AIPL1: variants seen among roughly 807,000 people sequenced by gnomAD.
AIPL1 encodes AIP like 1 HSP90 co-chaperone.
AIPL1 carries 23 observed loss-of-function variants against 32.9 expected under a neutral mutation model. The ratio of observed to expected loss-of-function variants is 0.70; its 90% CI spans 0.50 to 0.99. The LOEUF (loss-of-function observed/expected upper bound fraction) is 0.99, where lower values mean the gene tolerates loss of function less well. Ranked by LOEUF, AIPL1 falls within the 50% of genes least tolerant of loss-of-function variation. AIPL1 has a pLI of 0.00. For missense variants in AIPL1, 485 were observed against 506.0 expected, an observed-to-expected ratio of 0.96 and a Z score of 0.40; for synonymous variants, 210 against 209.4, an observed-to-expected ratio of 1.00 and a Z score of -0.02.
chr17:6,429,414 G>A (rs750723730), intron 2 of AIPL1, among the ~76,000 whole-genome samples: 18 of 152,218 alleles, frequency 1.2e-4, no homozygotes, highest in Admixed American at 4.6e-4. Flanking sequence ...CCGCCCCACC[G>A]GCCGGGATTA....
chr17:6,427,896 A>G (rs1160791952), intron 3 of AIPL1, among the ~76,000 whole-genome samples: 1 of 151,696 alleles, frequency 6.6e-6, no homozygotes, highest in Non-Finnish European at 1.5e-5. Flanking sequence ...GCTCACTGCA[A>G]CCTCCACTTC....
rs1380087715 is a variant in AIPL1 at position 6,428,354 on chromosome 17, C to A, written c.429G>T (p.Glu143Asp). The A allele has an allele frequency of 6.2e-7, 1 of 1,611,468 alleles. No individual in the cohort carries two copies. Among genetic ancestry groups the A allele is most frequent in the Admixed American group, 1.7e-5 (1 of 60,034 alleles). The change falls in exon 3 of 6, where the codon GAG becomes GAT. Residue 143 changes from glutamate (E) to aspartate (D), a missense_variant. Transcript: ENST00000381129. ...GYEDLDELQK[E>D]PQPLVFVIEL... ...CGATCACAAAGACCAGAGGCTGAGGCTCCTTCTGCAGCTCGTCCAGGTCCT... is the reference window on the plus strand; with the variant it reads ...CGATCACAAAGACCAGAGGCTGAGGATCCTTCTGCAGCTCGTCCAGGTCCT...
chr17:6,426,254 C>A (rs1438947539), intron 5 of AIPL1: 1 of 1,300,370 alleles, frequency 7.7e-7, no homozygotes, highest in East Asian at 3.5e-5. Flanking sequence ...TAAGTCAATA[C>A]TAGTACTGAC....
At chr17:6,426,831 G>A (rs1424679795) in intron 4 of AIPL1, 50 bp downstream of exon 4, 4 of 1,612,844 alleles carry the variant, frequency 2.5e-6, no homozygotes, top group African/African-American at 1.3e-5. Flanking sequence ...GCACTGGGCA[G>A]GCCCCCCAGA....
intron 3 of AIPL1, 29 bp downstream of exon 3, chr17:6,428,288 GC>G (rs1165582951): frequency 5.0e-6 from 8 of 1,602,214 alleles, no homozygotes; most frequent in Non-Finnish European, 6.8e-6. Flanking sequence ...TGCTGGCACA[GC>G]CCTCCAGCCC....
At position 6,425,024 on chromosome 17, in the gene AIPL1, G is replaced by A. The variant is rs1325014429; in HGVS notation, c.*436C>T. The stretch of plus-strand genomic sequence containing the variant: ...GATTCTAGAGAGCTCTAAGTGTCCT[G>A]CGTAAAGTTACAAAAATCACCGAGA... On this transcript the variant is annotated 3_prime_UTR_variant, in exon 6 of 6. Coordinates refer to ENST00000381129, the MANE Select transcript of AIPL1 (RefSeq NM_014336.5). The A allele has an allele frequency of 1.2e-5, 2 of 160,156 alleles. No homozygotes were observed. The highest frequency in any genetic ancestry group is 1.8e-4 in the South Asian group (1 of 5,464). 9.9% of individuals were successfully genotyped at this position (160,156 alleles called of 1,614,324 possible).
intron 2 of AIPL1, among the ~76,000 whole-genome samples, chr17:6,433,611 T>TCTCTCTCTCTCTCTCTCA (rs758622569): frequency 2.0e-4 from 21 of 106,300 alleles, no homozygotes; most frequent in African/African-American, 7.1e-4. Context: ...TCTCTCTCTC[T>TCTCTCTCTCTCTCTCTCA]CACACACACA....
chr17:6,429,867 G>GATAGATAT (rs1206981600), intron 2 of AIPL1, among the ~76,000 whole-genome samples: 7 of 147,728 alleles, frequency 4.7e-5, no homozygotes, highest in Admixed American at 6.7e-5. Context: ...TAGATAGATA[G>GATAGATAT]ATAATAGATA....
chr17:6,426,669 CCTT>C lies in AIPL1; in HGVS notation c.727_729del (p.Lys243del), dbSNP rs765411357. 1.1e-5 allele frequency: 18 copies of C among 1,614,218 alleles called. No homozygotes were observed. The highest frequency in any genetic ancestry group is 1.5e-5 in the Non-Finnish European group (18 of 1,180,044). ...TGCTCCAGCACCTCATAGTACTCCTCCTTCTTCAGCAGGCACTGGCAGTAGTTG... is the reference window on the plus strand; with the variant it reads ...TGCTCCAGCACCTCATAGTACTCCTCCTTCAGCAGGCACTGGCAGTAGTTG... On this transcript the variant is annotated inframe_deletion, in exon 5 of 6. Transcript: ENST00000381129.
At chr17:6,425,962 C>A in intron 5 of AIPL1, 132 bp from the exon 6 acceptor site, 1 of 1,262,096 alleles carries the variant, frequency 7.9e-7, no homozygotes, top group Non-Finnish European at 1.1e-6. Flanking sequence ...TATCCCCCAT[C>A]CCTCGGTTTC....
intron 2 of AIPL1, among the ~76,000 whole-genome samples, chr17:6,430,894 C>T (rs969118174): frequency 1.3e-5 from 2 of 152,150 alleles, no homozygotes; most frequent in Non-Finnish European, 2.9e-5. Context: ...AACACAGGGA[C>T]TGCTACAAAG....
chr17:6,434,234 C>T lies in AIPL1; in HGVS notation c.97-136G>A, dbSNP rs796209943. The stretch of plus-strand genomic sequence containing the variant: ...TCACCCCATCAGATGCCTCAGACCC[C>T]TGGAGCACCTCCACCCTGCCTGCAC... On this transcript the variant is annotated intron_variant, in intron 1 of 5. Coordinates refer to ENST00000381129, the MANE Select transcript of AIPL1 (RefSeq NM_014336.5). 97 of 993,422 alleles carry T rather than the reference C, an allele frequency of 9.8e-5. No individual in the cohort carries two copies. The African/African-American group carries it at 1.4e-3, about 14-fold the overall frequency. 61.5% of individuals were successfully genotyped at this position (993,422 alleles called of 1,614,324 possible).
At chr17:6,428,533 T>A (rs759144103) in intron 2 of AIPL1, 27 bp from the exon 3 acceptor site, 1 of 1,609,810 alleles carries the variant, frequency 6.2e-7, no homozygotes, top group South Asian at 1.1e-5. Flanking sequence ...ATGGATGGCA[T>A]CCAGGCTACC....
rs1567645937 is a variant in AIPL1 at position 6,435,063 on chromosome 17, T to C, written c.42A>G (p.Lys14=). 3 of 1,614,162 alleles carry C rather than the reference T, an allele frequency of 1.9e-6. No homozygotes were observed. Among genetic ancestry groups the C allele is most frequent in the Non-Finnish European group, 2.5e-6 (3 of 1,180,020 alleles). ...ALLLNVEGVK[K]TILHGGTGEL... ...CGCCCGTGCCCCCGTGCAGAATGGT[T>C]TTCTTGACCCCTTCCACGTTCAGGA... is the stretch of plus-strand genomic sequence containing the variant. The change falls in exon 1 of 6, where the codon AAA becomes AAG. Residue 14 remains lysine, a synonymous_variant. Transcript: ENST00000381129.
chr17:6,429,932 A>C (rs2150684191), intron 2 of AIPL1, among the ~76,000 whole-genome samples: 1 of 152,254 alleles, frequency 6.6e-6, no homozygotes, highest in African/African-American at 2.4e-5. Context: ...GTGACGGAAG[A>C]CTGGATTATG....
chr17:6,434,773 G>A (rs1179396257), intron 1 of AIPL1, among the ~76,000 whole-genome samples: 1 of 152,120 alleles, frequency 6.6e-6, no homozygotes, highest in Admixed American at 6.5e-5. Context: ...AACATTTAGG[G>A]CCCCAGAAAA....
intron 1 of AIPL1, 155 bp downstream of exon 1, chr17:6,434,853 TG>T: frequency 7.4e-7 from 1 of 1,356,208 alleles, no homozygotes; most frequent in South Asian, 1.5e-5. Flanking sequence ...GCCCCCTGAA[TG>T]GGTAAACGCT....
intron 2 of AIPL1, among the ~76,000 whole-genome samples, chr17:6,429,862 AGATAGAT>A (rs1220910698): frequency 6.7e-5 from 10 of 148,444 alleles, no homozygotes; most frequent in Admixed American, 1.3e-4. Flanking sequence ...ATAGATAGAT[AGATAGAT>A]AATAGATACA....
chr17:6,428,258 T>A, intron 3 of AIPL1, 60 bp downstream of exon 3: 1 of 1,587,544 alleles, frequency 6.3e-7, no homozygotes, highest in South Asian at 1.1e-5. Context: ...GTGCCCATGA[T>A]GCCCGCTGTC....
Sources: gnomAD v4.1 joint callset for allele counts (sites outside exome capture counted in the v4.1 genomes callset) on GRCh38, gnomAD v4.1.1 for gene constraint, MANE v1.5 for transcripts, NCBI Gene and HGNC (gene_info 2026-07-23, HGNC 2026-07-21) for gene names.